Variants in SLC8A1 observed in about 807,000 individuals in gnomAD.
SLC8A1 encodes solute carrier family 8 member A1, also known as sodium/calcium exchanger 1.
A neutral mutation model predicts 68.3 loss-of-function variants in SLC8A1; 18 were observed. The observed-to-expected ratio is 0.26, with a 90% CI of 0.18 to 0.39. The LOEUF is 0.39. SLC8A1 is among the 10% of genes least tolerant of loss of function. The pLI, the probability that SLC8A1 is intolerant of heterozygous loss-of-function variation, is 1.00. For synonymous variants in SLC8A1, 475 were observed against 415.5 expected (o/e 1.14, Z -1.74); for missense variants, 985 against 1,156.7 (o/e 0.85, Z 2.15).
At chr2:40,163,827 C>T (rs2046091146) in intron 5 of SLC8A1, among the ~76,000 whole-genome samples, 2 of 152,126 alleles carry the variant, frequency 1.3e-5, no homozygotes, top group African/African-American at 2.4e-5. Context: ...CACCTGTCTC[C>T]TATCAGGCAC....
intron 2 of SLC8A1, among the ~76,000 whole-genome samples, chr2:40,323,574 A>T (rs1401482038): frequency 1.3e-5 from 2 of 152,136 alleles, no homozygotes; most frequent in Non-Finnish European, 2.9e-5. Flanking sequence ...TGTCTGGCAA[A>T]ATTCAAGTAC....
intron 2 of SLC8A1, among the ~76,000 whole-genome samples, chr2:40,260,999 GGAGA>G (rs2064621971): frequency 6.6e-6 from 1 of 152,184 alleles, no homozygotes; most frequent in Non-Finnish European, 1.5e-5. Context: ...GAACAGGAAG[GGAGA>G]GAGACAGAAG....
chr2:40,429,270 A>G lies in SLC8A1; in HGVS notation c.1011T>C (p.His337=), dbSNP rs746808178. The G allele has an allele frequency of 2.5e-6, 4 of 1,613,800 alleles. No homozygotes were observed. The East Asian group carries it at 6.7e-5, about 27-fold the overall frequency. Residue 337 remains histidine (H), a synonymous_variant, in exon 2 of 8, where the codon CAT becomes CAC. Transcript: ENST00000406785. ...TTAATTGCTCTATTTCTTTATCTGG[A>G]TGCTTCTGCTTAAGTTCCTTCAGAA...
chr2:40,361,529 T>A (rs1674636145), intron 2 of SLC8A1, among the ~76,000 whole-genome samples: 1 of 152,054 alleles, frequency 6.6e-6, no homozygotes. Flanking sequence ...ATGTTCAGTA[T>A]CTGGCCATTT....
chr2:40,391,783 C>G (rs59027440), intron 2 of SLC8A1, among the ~76,000 whole-genome samples: 2,963 of 152,090 alleles, frequency 0.019, 93 homozygotes, highest in African/African-American at 0.066. Context: ...CAAAATAAAT[C>G]AGGTAGACAA....
At chr2:40,313,201 G>C (rs769187814) in intron 2 of SLC8A1, among the ~76,000 whole-genome samples, 10 of 152,138 alleles carry the variant, frequency 6.6e-5, no homozygotes, top group Non-Finnish European at 1.2e-4. Context: ...CTTTGGGGAG[G>C]GGAAGGAGGA....
intron 2 of SLC8A1, among the ~76,000 whole-genome samples, chr2:40,392,204 AG>A (rs1474716396): frequency 6.6e-6 from 1 of 151,782 alleles, no homozygotes; most frequent in Non-Finnish European, 1.5e-5. Flanking sequence ...AAGAAAGAAA[AG>A]AAAAAGAAAA....
chr2:40,242,115 A>G (rs994092506), intron 2 of SLC8A1, among the ~76,000 whole-genome samples: 14 of 151,924 alleles, frequency 9.2e-5, no homozygotes, highest in African/African-American at 1.7e-4. Context: ...ACGCCTTACA[A>G]TTTAAGTGTG....
At chr2:40,451,688 C>G (rs1042739770) in intron 1 of SLC8A1, among the ~76,000 whole-genome samples, 1 of 151,710 alleles carries the variant, frequency 6.6e-6, no homozygotes, top group South Asian at 2.1e-4. Context: ...CAATTTCACT[C>G]TGGGAAGCGC....
intron 2 of SLC8A1, among the ~76,000 whole-genome samples, chr2:40,388,833 C>T (rs1684409394): frequency 6.6e-6 from 1 of 151,922 alleles, no homozygotes; most frequent in African/African-American, 2.4e-5. Flanking sequence ...TCCAAATACC[C>T]AAATAACGGG....
chr2:40,512,412 G>T (rs1032949666), exon 1 of SLC8A1: 1 of 152,260 alleles, frequency 6.6e-6, no homozygotes. Flanking sequence ...CCAGTATGAT[G>T]CCTTCTCTAA....
intron 2 of SLC8A1, among the ~76,000 whole-genome samples, chr2:40,278,340 G>A (rs912722072): frequency 4.0e-5 from 6 of 151,886 alleles, no homozygotes; most frequent in African/African-American, 7.3e-5. Context: ...ATGGTGGTGC[G>A]CACCTGTAAT....
chr2:40,299,559 A>T (rs187585336), intron 2 of SLC8A1, among the ~76,000 whole-genome samples: 1 of 152,262 alleles, frequency 6.6e-6, no homozygotes, highest in East Asian at 1.9e-4. Flanking sequence ...TGCTGGCTCA[A>T]TTCTCAGGAA....
intron 2 of SLC8A1, among the ~76,000 whole-genome samples, chr2:40,236,414 G>T (rs1280889185): frequency 6.6e-6 from 1 of 152,140 alleles, no homozygotes; most frequent in Non-Finnish European, 1.5e-5. Flanking sequence ...CAGAGACTAG[G>T]ATTGCAAACC....
At chr2:40,343,333 A>G (rs1476591979) in intron 2 of SLC8A1, among the ~76,000 whole-genome samples, 1 of 152,182 alleles carries the variant, frequency 6.6e-6, no homozygotes, top group East Asian at 1.9e-4. Flanking sequence ...ATCACCATGA[A>G]CTTAAAACTC....
chr2:40,146,505 G>A (rs969292930), intron 6 of SLC8A1, among the ~76,000 whole-genome samples: 4 of 152,044 alleles, frequency 2.6e-5, no homozygotes, highest in Non-Finnish European at 4.4e-5. Context: ...ATGGTTTTGG[G>A]ATGATTCAAG....
exon 2 of SLC8A1, chr2:40,429,187 C>G: frequency 1.2e-6 from 2 of 1,613,624 alleles, no homozygotes; most frequent in Non-Finnish European, 1.7e-6. Context: ...AGCTTGAATG[C>G]GATAAAATGC....
intron 2 of SLC8A1, among the ~76,000 whole-genome samples, chr2:40,200,242 A>ATATATATG (rs2054052012): frequency 7.5e-5 from 1 of 13,248 alleles, no homozygotes; most frequent in African/African-American, 2.0e-4. Context: ...ATATATAAAT[A>ATATATATG]TATATATATA....
intron 1 of SLC8A1, among the ~76,000 whole-genome samples, chr2:40,483,842 T>C (rs1704792302): frequency 1.3e-5 from 2 of 152,306 alleles, no homozygotes; most frequent in Admixed American, 6.5e-5. Flanking sequence ...TGACAAAATA[T>C]CAAGATAAAA....
Sources: allele counts gnomAD v4.1 joint callset (sites outside exome capture counted in the v4.1 genomes callset), GRCh38; gene constraint gnomAD v4.1.1; transcripts MANE v1.5; gene names NCBI Gene and HGNC (gene_info 2026-07-23, HGNC 2026-07-21).